The following RBM42 variants were observed in gnomAD, a reference collection of about 807,000 sequenced individuals.
The protein encoded by RBM42 is RNA binding motif protein 42.
In RBM42, 21 loss-of-function variants were observed where a neutral mutation model predicts 41.4. The observed-to-expected ratio is 0.51, with a 90% CI of 0.36 to 0.73. RBM42 has a LOEUF of 0.73. RBM42 is among the 30% of genes least tolerant of loss of function. The pLI, the probability that RBM42 is intolerant of heterozygous loss-of-function variation, is 0.00. For synonymous variants in RBM42, 272 were observed against 271.2 expected (o/e 1.00, Z -0.03); for missense variants, 539 against 680.4 (o/e 0.79, Z 2.31).
intron 4 of RBM42, 124 bp downstream of exon 4, chr19:35,631,529 C>T: frequency 1.1e-6 from 1 of 913,436 alleles, no homozygotes; most frequent in East Asian, 2.6e-5. Context: ...ATGTTGTCAT[C>T]CTAAAGCACG....
At chr19:35,630,453 G>T (rs763876936) in intron 2 of RBM42, among the ~76,000 whole-genome samples, 1 of 151,950 alleles carries the variant, frequency 6.6e-6, no homozygotes, top group Admixed American at 6.6e-5. Flanking sequence ...GCCAAATCTT[G>T]TAGAGCCTTA....
At chr19:35,631,542 C>G (rs1451611345) in intron 4 of RBM42, 137 bp downstream of exon 4, 1 of 750,300 alleles carries the variant, frequency 1.3e-6, no homozygotes, top group East Asian at 2.7e-5. Flanking sequence ...AAAGCACGAA[C>G]CTGATCATGT....
intron 8 of RBM42, among the ~76,000 whole-genome samples, chr19:35,636,702 C>G (rs576343779): frequency 6.6e-6 from 1 of 152,136 alleles, no homozygotes; most frequent in African/African-American, 2.4e-5. Context: ...GGTGCCATGA[C>G]GGGCAGCCAG....
chr19:35,637,133 G>C lies in RBM42; in HGVS notation c.1136-25G>C, dbSNP rs199656195. 1.0e-5 allele frequency: 16 copies of C among 1,592,256 alleles called. No homozygotes were observed. The highest frequency in any genetic ancestry group is 1.3e-5 in the African/African-American group (1 of 74,500). On this transcript the variant is annotated intron_variant, in intron 8 of 9. Transcript: ENST00000262633. The surrounding 1 kb of genome is among the most constrained non-coding windows in gnomAD (Gnocchi z 7.0). ...ACTGGGCAAGGCCTCTGCATCCTCTGATGTCATCTCTTCCCCATCCCCAGA... is the reference window on the plus strand; with the variant it reads ...ACTGGGCAAGGCCTCTGCATCCTCTCATGTCATCTCTTCCCCATCCCCAGA...
Position 35,633,147 on chromosome 19 carries a change from G to T in RBM42, c.579G>T (p.Val193=). ...TACGGCCCCCTCACCAGGCCCTCGT[G>T]GGCCCCCCTCTGCCTGGGCCCCCTG... ...MALRPPHQAL[V]GPPLPGPPGP... The change falls in exon 6 of 10, where the codon GTG becomes GTT. Residue 193 remains valine (V), a synonymous_variant. Transcript: ENST00000262633. 6.3e-7 allele frequency: 1 copy of T among 1,575,398 alleles called. No individual in the cohort carries two copies. Among genetic ancestry groups the T allele is most frequent in the Middle Eastern group, 1.7e-4 (1 of 5,996 alleles).
intron 4 of RBM42, among the ~76,000 whole-genome samples, chr19:35,632,323 G>A (rs533823667): frequency 6.6e-6 from 1 of 152,174 alleles, no homozygotes; most frequent in South Asian, 2.1e-4. Flanking sequence ...TGTGCTTTAA[G>A]AACAAAAAAG....
chr19:35,629,667 C>T lies in RBM42; in HGVS notation c.276C>T (p.Tyr92=). ...VIRPIIATNT[Y]QQVQQTLEAR... ...GCCCAATTATCGCGACCAACACATA[C>T]CAGCAGGTACGGCTGAGCTAAGGCA... The change falls in exon 2 of 10, where the codon TAC becomes TAT. Residue 92 remains tyrosine, a synonymous_variant. Coordinates refer to ENST00000262633, the MANE Select transcript of RBM42 (RefSeq NM_024321.5). 4 of 1,614,186 alleles carry T rather than the reference C, an allele frequency of 2.5e-6. No individual in the cohort carries two copies. The highest frequency in any genetic ancestry group is 3.4e-6 in the Non-Finnish European group (4 of 1,180,012).
chr19:35,634,420 AC>A, intron 8 of RBM42, 47 bp downstream of exon 8: 3 of 1,396,558 alleles, frequency 2.1e-6, no homozygotes, highest in Non-Finnish European at 3.0e-6. Flanking sequence ...CCAAGGTCAG[AC>A]CAGGCTGCTG....
At chr19:35,636,764 C>G (rs1174772894) in intron 8 of RBM42, among the ~76,000 whole-genome samples, 1 of 152,134 alleles carries the variant, frequency 6.6e-6, no homozygotes, top group Non-Finnish European at 1.5e-5. Flanking sequence ...AGAGGAAAGG[C>G]CAGGGCTAGG....
rs750153748 is a variant in RBM42, at chr19:35,633,219, G to C, written c.651G>C (p.Pro217=). The C allele has an allele frequency of 3.1e-6, 5 of 1,606,562 alleles. No homozygotes were observed. The highest frequency in any genetic ancestry group is 4.3e-6 in the Non-Finnish European group (5 of 1,176,304). Residue 217 remains proline (P), a synonymous_variant, in exon 6 of 10, where the codon CCG becomes CCC. Coordinates refer to ENST00000262633, the MANE Select transcript of RBM42 (RefSeq NM_024321.5). The stretch of plus-strand genomic sequence containing the variant: ...CAATGGCTCGGGCTCCAGGGCCCCC[G>C]CTGGGCTCCATGGCTGCACTGAGGC... ...LPPMARAPGP[P]LGSMAALRPP... is the part of the protein sequence containing the mutation.
In RBM42 at chr19:35,629,147, G is replaced by A; in HGVS notation, c.-7G>A. Reference sequence around the variant, plus strand: ...CTGTAGTAGCGGCGACAGCGACGACGGCAGCGATGGCTGGGGCGGGGCCAG... The same window carrying A: ...CTGTAGTAGCGGCGACAGCGACGACAGCAGCGATGGCTGGGGCGGGGCCAG... On this transcript the variant is annotated 5_prime_UTR_variant, in exon 1 of 10. Transcript: ENST00000262633. 6.6e-7 allele frequency: 1 copy of A among 1,522,094 alleles called. No homozygotes were observed. Among genetic ancestry groups the A allele is most frequent in the African/African-American group, 1.4e-5 (1 of 71,476 alleles). The allele number at this position is 1,522,094 out of a possible 1,614,324, so 94.3% of individuals were successfully genotyped here.
chr19:35,633,352 T>A, intron 6 of RBM42, 100 bp downstream of exon 6: 1 of 951,242 alleles, frequency 1.1e-6, no homozygotes, highest in East Asian at 2.5e-5. Flanking sequence ...CTCTCCTGAC[T>A]TTCTGTTTCT....
intron 6 of RBM42, among the ~76,000 whole-genome samples, 195 bp from the exon 7 acceptor site, chr19:35,633,492 G>T (rs1163994576): frequency 6.6e-6 from 1 of 152,228 alleles, no homozygotes; most frequent in African/African-American, 2.4e-5. Flanking sequence ...GATTGTTACT[G>T]ATGTTCTTGT....
chr19:35,637,685 A>G lies in RBM42; in HGVS notation c.*131A>G. Reference sequence around the variant, plus strand: ...TTTCAATAAATTTACGTTCATTTCCACCCCTGGCTGGGCATGGAAGCACGC... The same window carrying G: ...TTTCAATAAATTTACGTTCATTTCCGCCCCTGGCTGGGCATGGAAGCACGC... On this transcript the variant is annotated 3_prime_UTR_variant, in exon 10 of 10. Coordinates refer to ENST00000262633, the MANE Select transcript of RBM42 (RefSeq NM_024321.5). This position sits in a 1 kb window ranked among gnomAD's most constrained non-coding sequence, Gnocchi z 7.0. The G allele has an allele frequency of 1.4e-6, 1 of 711,494 alleles. No individual in the cohort carries two copies. 44.1% of individuals were successfully genotyped at this position (711,494 alleles called of 1,614,324 possible).
chr19:35,634,016 T>C lies in RBM42; in HGVS notation c.1014T>C (p.Leu338=). 6.7e-7 allele frequency: 1 copy of C among 1,503,146 alleles called. No homozygotes were observed. 93.1% of individuals were successfully genotyped at this position (1,503,146 alleles called of 1,614,324 possible). A position where few individuals can be genotyped will look rare whatever the true frequency, so the allele number is the denominator to read the frequency against. ...AGCCACCCCCAGGCCTCATGGCTCT[T>C]GAGGTAAGCAGGGAGCCTAGCGGTG... The part of the protein sequence containing the change: ...RPEPPPGLMA[L]EVPEPLGEDK... Residue 338 remains leucine (L), a synonymous_variant, in exon 7 of 10, where the codon CTT becomes CTC. Transcript: ENST00000262633.
chr19:35,633,349 G>A, intron 6 of RBM42, 97 bp downstream of exon 6: 1 of 985,220 alleles, frequency 1.0e-6, no homozygotes, highest in Non-Finnish European at 1.5e-6. Context: ...CCTCTCTCCT[G>A]ACTTTCTGTT....
In RBM42 at chr19:35,629,606, T is replaced by C. The variant is rs777270224; in HGVS notation, c.215T>C (p.Val72Ala). 1 of 1,614,154 alleles carries C rather than the reference T, an allele frequency of 6.2e-7. No homozygotes were observed. The highest frequency in any genetic ancestry group is 1.1e-5 in the South Asian group (1 of 91,082). ...AVPTVPTVPTVEAMQVPAAPV... is the reference protein window; with the variant it reads ...AVPTVPTVPTAEAMQVPAAPV... ...CCCACTGTCCCCACGGTCCCCACAG[T>C]AGAAGCGATGCAGGTCCCAGCGGCT... Residue 72 changes from valine (V) to alanine (A), a missense_variant, in exon 2 of 10, where the codon GTA (valine) becomes GCA (alanine). Around this residue, in one of 2 missense-constraint regions of RBM42, gnomAD observed 429 missense variants for 488.9 expected, o/e 0.88. Transcript: ENST00000262633.
Position 35,634,285 on chromosome 19 carries a change from GA to G in RBM42, c.1049del (p.Lys350ArgfsTer7). On this transcript the variant is annotated frameshift_variant, in exon 8 of 10. Transcript: ENST00000262633. LOFTEE classifies it high-confidence loss of function. ...VPEPLGEDKK[K>X]GKPEKLKRCI... is the part of the protein sequence containing the mutation. ...CAGAGCCCCTGGGTGAAGACAAGAAGAAGGGGAAGCCAGAGAAATTGAAACG... is the reference window on the plus strand; with the variant it reads ...CAGAGCCCCTGGGTGAAGACAAGAAGAGGGGAAGCCAGAGAAATTGAAACG... 6.2e-7 allele frequency: 1 copy of G among 1,614,228 alleles called. No individual in the cohort carries two copies. Among genetic ancestry groups the G allele is most frequent in the Non-Finnish European group, 8.5e-7 (1 of 1,180,042 alleles).
In RBM42 at chr19:35,633,724, TG is replaced by T. The variant is rs1291582608; in HGVS notation, c.726del (p.Leu243TrpfsTer3). 6.8e-7 allele frequency: 1 copy of T among 1,476,848 alleles called. No homozygotes were observed. Among genetic ancestry groups the T allele is most frequent in the South Asian group, 1.4e-5 (1 of 69,524 alleles). 91.5% of individuals were successfully genotyped at this position (1,476,848 alleles called of 1,614,324 possible). ...GCACCCCGAGAGCTGGGCCTAGGCC[TG>T]GGGTTGGGCCTGAAAGAGAAGGAAG... ...PAAPRELGLG[L>X]GLGLKEKEEA... On this transcript the variant is annotated frameshift_variant, in exon 7 of 10. Coordinates refer to ENST00000262633, the MANE Select transcript of RBM42 (RefSeq NM_024321.5). LOFTEE classifies it high-confidence loss of function.
Sources: allele counts gnomAD v4.1 joint callset (sites outside exome capture counted in the v4.1 genomes callset), GRCh38; gene constraint gnomAD v4.1.1; regional missense constraint gnomAD v4.1.1; non-coding constraint Gnocchi (gnomAD v3.1); transcripts MANE v1.5; gene names NCBI Gene and HGNC (gene_info 2026-07-23, HGNC 2026-07-21).